Variants in UBQLN1 observed in about 807,000 individuals in gnomAD.
The protein encoded by UBQLN1 is ubiquilin 1.
UBQLN1 carries 13 observed loss-of-function variants against 65.4 expected under a neutral mutation model. The observed-to-expected ratio is 0.20, with a 90% CI of 0.13 to 0.32. UBQLN1 has a LOEUF of 0.32. UBQLN1 is among the 10% of genes least tolerant of loss of function. UBQLN1 has a pLI of 1.00. For synonymous variants in UBQLN1, 267 were observed against 247.8 expected (o/e 1.08, Z -0.73); for missense variants, 561 against 724.0 (o/e 0.77, Z 2.58).
In UBQLN1 at chr9:83,688,578, A is replaced by G. The variant is rs549957480; in HGVS notation, c.181-2423T>C. 4.6e-5 allele frequency among the ~76,000 whole-genome samples: 7 copies of G among 152,172 alleles called. No homozygotes were observed. The South Asian group carries it at 1.5e-3, about 32-fold the overall frequency. On this transcript the variant is annotated intron_variant, in intron 1 of 10. Transcript: ENST00000376395. ...GTAAGATACTAGATTAAACACATGC[A>G]TCGGGCGGGGTGCAGTGGCTCACAC...
chr9:83,664,923 CA>C (rs539581441), intron 9 of UBQLN1, 106 bp downstream of exon 9: 25,077 of 229,516 alleles, frequency 0.11, no homozygotes, highest in South Asian at 0.13. Flanking sequence ...TGTATCCCAC[CA>C]AAAAAAAAAA....
chr9:83,679,465 A>G (rs1440999340), intron 4 of UBQLN1, among the ~76,000 whole-genome samples: 1 of 152,242 alleles, frequency 6.6e-6, no homozygotes, highest in African/African-American at 2.4e-5. Context: ...TTTCACCTCA[A>G]AAAAGCAACT....
At chr9:83,685,366 A>G (rs1832022958) in intron 2 of UBQLN1, among the ~76,000 whole-genome samples, 3 of 152,234 alleles carry the variant, frequency 2.0e-5, no homozygotes, top group Admixed American at 2.0e-4. Context: ...TATGTTATGC[A>G]AGAGTGATAT....
chr9:83,666,519 C>A, intron 7 of UBQLN1, 86 bp from the exon 8 acceptor site: 2 of 1,302,620 alleles, frequency 1.5e-6, no homozygotes, highest in Non-Finnish European at 2.2e-6. Flanking sequence ...CCCCCAAGTG[C>A]CTCAGCTGGC....
At chr9:83,677,133 CT>C (rs1831847101) in intron 6 of UBQLN1, among the ~76,000 whole-genome samples, 1 of 152,186 alleles carries the variant, frequency 6.6e-6, no homozygotes, top group Non-Finnish European at 1.5e-5. Flanking sequence ...AAGACGGGTG[CT>C]TGACAATCTA....
chr9:83,675,836 C>CT (rs1351539661), intron 6 of UBQLN1, among the ~76,000 whole-genome samples: 1 of 152,188 alleles, frequency 6.6e-6, no homozygotes, highest in Non-Finnish European at 1.5e-5. Context: ...AAACAGAACA[C>CT]TGAACCCCAA....
intron 1 of UBQLN1, among the ~76,000 whole-genome samples, chr9:83,703,162 C>A (rs201739392): frequency 6.7e-5 from 10 of 148,876 alleles, no homozygotes; most frequent in East Asian, 2.0e-4. Context: ...AACAATTAAC[C>A]AAAAAAAAAA....
chr9:83,672,621 C>G (rs1831752473), intron 6 of UBQLN1, among the ~76,000 whole-genome samples: 3 of 152,146 alleles, frequency 2.0e-5, no homozygotes, highest in Admixed American at 2.0e-4. Context: ...TACCCCAAAA[C>G]AATTACTAAA....
intron 1 of UBQLN1, among the ~76,000 whole-genome samples, chr9:83,699,332 T>C (rs551528701): frequency 3.0e-4 from 46 of 152,342 alleles, no homozygotes; most frequent in African/African-American, 1.0e-3. Context: ...AAATTACATA[T>C]GTGGCTCATA....
rs1314329446 is a variant in UBQLN1, at chr9:83,683,359, C to G, written c.333-293G>C. Reference sequence around the variant, plus strand: ...CCCAGGAGGCGGAGCTTGCAGTGAGCGAGATCGCGCCACTGCACTCCGTCC... The same window carrying G: ...CCCAGGAGGCGGAGCTTGCAGTGAGGGAGATCGCGCCACTGCACTCCGTCC... On this transcript the variant is annotated intron_variant, in intron 2 of 10. Transcript: ENST00000376395. Among the ~76,000 whole-genome samples, 3 of 139,692 alleles carry G rather than the reference C, an allele frequency of 2.1e-5. No homozygotes were observed. The South Asian group carries it at 6.7e-4, about 31-fold the overall frequency. The allele number at this position is 139,692 out of a possible 152,430, so 91.6% of individuals were successfully genotyped here. A position where few individuals can be genotyped will look rare whatever the true frequency, so the allele number is the denominator to read the frequency against.
chr9:83,701,728 T>C (rs78531074), intron 1 of UBQLN1, among the ~76,000 whole-genome samples: 5,983 of 151,996 alleles, frequency 0.039, 403 homozygotes, highest in African/African-American at 0.14. Flanking sequence ...AAATGTAAAA[T>C]GGTACAGACA....
chr9:83,677,687 A>C (rs1049145182), intron 6 of UBQLN1, 40 bp downstream of exon 6: 12 of 1,447,126 alleles, frequency 8.3e-6, no homozygotes, highest in Non-Finnish European at 8.6e-6. Context: ...TATGTAAATG[A>C]GGACAACAAA....
chr9:83,689,916 C>T (rs931018607), intron 1 of UBQLN1, among the ~76,000 whole-genome samples: 3 of 152,062 alleles, frequency 2.0e-5, no homozygotes, highest in Admixed American at 6.5e-5. Context: ...TGGCAAACAA[C>T]ACAGGTAACT....
In UBQLN1 at chr9:83,682,825, T is replaced by G. The variant is rs78647381; in HGVS notation, c.448+126A>C. ...ATATCTACAATTATAGGAATGTATG[T>G]TTTTTTTTTTTAATTTTTGTTGTTA... On this transcript the variant is annotated intron_variant, in intron 3 of 10. Coordinates refer to ENST00000376395, the MANE Select transcript of UBQLN1 (RefSeq NM_013438.5). The G allele has an allele frequency of 4.3e-4, 114 of 266,172 alleles. 1 individual carries two copies. The Middle Eastern group carries it at 7.1e-3, about 17-fold the overall frequency. 16.5% of individuals were successfully genotyped at this position (266,172 alleles called of 1,614,324 possible).
intron 1 of UBQLN1, among the ~76,000 whole-genome samples, chr9:83,702,491 A>G (rs572485374): frequency 6.6e-6 from 1 of 152,334 alleles, no homozygotes; most frequent in South Asian, 2.1e-4. Context: ...TGTCCAGCAG[A>G]AATATATATA....
In UBQLN1 at chr9:83,666,441, GC is replaced by G; in HGVS notation, c.1249-9del. 1 of 1,612,902 alleles carries G rather than the reference GC, an allele frequency of 6.2e-7. No individual in the cohort carries two copies. Among genetic ancestry groups the G allele is most frequent in the Non-Finnish European group, 8.5e-7 (1 of 1,179,142 alleles). On this transcript the variant is annotated splice_polypyrimidine_tract_variant and intron_variant, in intron 7 of 10. Coordinates refer to ENST00000376395, the MANE Select transcript of UBQLN1 (RefSeq NM_013438.5). ...GGGATTATTCAGCATCATCTATGGG[GC>G]AAGTGTTCAAACAATTTTAACTGGA...
At chr9:83,706,099 T>C (rs1426246670) in intron 1 of UBQLN1, among the ~76,000 whole-genome samples, 1 of 148,274 alleles carries the variant, frequency 6.7e-6, no homozygotes, top group Non-Finnish European at 1.5e-5. Flanking sequence ...GGCAACCATA[T>C]GCATTTCACT....
rs1299339176 is a variant in UBQLN1, at chr9:83,707,745, C to T, written c.-66G>A. 16 of 1,486,086 alleles carry T rather than the reference C, an allele frequency of 1.1e-5. No homozygotes were observed. Among genetic ancestry groups the T allele is most frequent in the Non-Finnish European group, 1.3e-5 (15 of 1,128,982 alleles). 92.1% of individuals were successfully genotyped at this position (1,486,086 alleles called of 1,614,324 possible). ...AGGGAGCAGGCGAGCAAGGAGGAGC[C>T]AGCAGACACCAGAGCCGGCAGGCCT... On this transcript the variant is annotated 5_prime_UTR_variant, in exon 1 of 11. Coordinates refer to ENST00000376395, the MANE Select transcript of UBQLN1 (RefSeq NM_013438.5).
At chr9:83,662,273 T>TACAC (rs370539805) in intron 10 of UBQLN1, among the ~76,000 whole-genome samples, 6,735 of 143,226 alleles carry the variant, frequency 0.047, 205 homozygotes, top group East Asian at 0.15. Context: ...CATATACATA[T>TACAC]ACACACACAC....
Sources: allele counts gnomAD v4.1 joint callset (sites outside exome capture counted in the v4.1 genomes callset), GRCh38; gene constraint gnomAD v4.1.1; transcripts MANE v1.5; gene names NCBI Gene and HGNC (gene_info 2026-07-23, HGNC 2026-07-21).